The following CAST variants were observed in gnomAD, a reference collection of about 807,000 sequenced individuals.
CAST encodes MIR583 host.
CAST carries 76 observed loss-of-function variants against 119.6 expected under a neutral mutation model. The observed-to-expected ratio is 0.64, with a 90% CI of 0.53 to 0.77. The LOEUF is 0.77. CAST is among the 30% of genes least tolerant of loss of function. The pLI, the probability that CAST is intolerant of heterozygous loss-of-function variation, is 0.00. For synonymous variants in CAST, 319 were observed against 331.6 expected, an observed-to-expected ratio of 0.96 and a Z score of 0.41; for missense variants, 953 against 946.5, an observed-to-expected ratio of 1.01 and a Z score of -0.09.
At chr5:96,543,651 A>C (rs925327668) in intron 1 of CAST, among the ~76,000 whole-genome samples, 2 of 152,194 alleles carry the variant, frequency 1.3e-5, no homozygotes, top group African/African-American at 4.8e-5. Context: ...TGGTGTATGT[A>C]AAAATTTATT....
chr5:96,504,154 C>T, the CAST span, among the ~76,000 whole-genome samples: 1 of 152,186 alleles, frequency 6.6e-6, no homozygotes, highest in Admixed American at 6.5e-5. Context: ...GTCCTCTCAG[C>T]AGGCCAGCTG....
rs990065967 is a variant in CAST at position 96,635,344 on chromosome 5, C to T, written c.61-40195C>T. Among the ~76,000 whole-genome samples the T allele has an allele frequency of 2.0e-5, 3 of 152,184 alleles. No homozygotes were observed. In the South Asian group the frequency reaches 6.2e-4, roughly 32 times the overall value. Reference sequence around the variant, plus strand: ...TTTTAAGGGGAGAGGATAAGAAAGCCTAGAAAGAACAAGTGTTGTTATGCA... The same window carrying T: ...TTTTAAGGGGAGAGGATAAGAAAGCTTAGAAAGAACAAGTGTTGTTATGCA... On this transcript the variant is annotated intron_variant, in intron 1 of 11. Transcript: ENST00000505143.
At chr5:96,565,144 A>G (rs1446912881) in intron 1 of CAST, among the ~76,000 whole-genome samples, 3 of 150,436 alleles carry the variant, frequency 2.0e-5, no homozygotes, top group African/African-American at 7.4e-5. Context: ...AGTGTAATGG[A>G]AAATTTAGAA....
At chr5:96,677,338 A>G (rs1750835467) in intron 2 of CAST, among the ~76,000 whole-genome samples, 1 of 152,250 alleles carries the variant, frequency 6.6e-6, no homozygotes, top group Non-Finnish European at 1.5e-5. Context: ...CTGGCCAATT[A>G]TAACTGGGAA....
the CAST span, among the ~76,000 whole-genome samples, chr5:96,360,400 G>A: frequency 6.6e-6 from 1 of 152,040 alleles, no homozygotes; most frequent in Non-Finnish European, 1.5e-5. Context: ...TGATCCCTCA[G>A]AGAAGAAGCA....
At chr5:96,435,079 G>A in the CAST span, among the ~76,000 whole-genome samples, 1 of 152,184 alleles carries the variant, frequency 6.6e-6, no homozygotes, top group African/African-American at 2.4e-5. Context: ...AAGCTCTCAA[G>A]GGTGTTTCAT....
chr5:96,095,246 G>T, the CAST span, among the ~76,000 whole-genome samples: 1 of 151,998 alleles, frequency 6.6e-6, no homozygotes, highest in Admixed American at 6.6e-5. Flanking sequence ...CCCCAATTAA[G>T]GTTTCTTGAT....
chr5:96,503,099 C>T, the CAST span, among the ~76,000 whole-genome samples: 19 of 152,162 alleles, frequency 1.2e-4, no homozygotes, highest in Admixed American at 1.2e-3. Flanking sequence ...AGGCCTGCTC[C>T]TTGTCTTCAG....
In CAST at chr5:96,740,774, A is replaced by G. The variant is rs759504400; in HGVS notation, c.909A>G (p.Ala303=). The G allele has an allele frequency of 1.1e-5, 18 of 1,597,184 alleles. No individual in the cohort carries two copies. In the South Asian group the frequency reaches 1.9e-4, roughly 17 times the overall value. ...AGGAAGGGATCACAGGGCCTCCTGCAGACTCTTCGGTGAGTTTACATACAT... is the reference window on the plus strand; with the variant it reads ...AGGAAGGGATCACAGGGCCTCCTGCGGACTCTTCGGTGAGTTTACATACAT... ...AKKEGITGPP[A]DSSKPIGPDD... The change falls in exon 13 of 32, where the codon GCA becomes GCG. Residue 303 remains alanine, a synonymous_variant. Coordinates refer to ENST00000675179, the MANE Select transcript of CAST (RefSeq NM_001750.7).
chr5:96,557,148 C>G (rs1459633304), intron 1 of CAST, among the ~76,000 whole-genome samples: 1 of 151,972 alleles, frequency 6.6e-6, no homozygotes, highest in African/African-American at 2.4e-5. Context: ...ACTTTACAGA[C>G]AAGCAAATAC....
At chr5:96,668,585 A>T (rs1019548097) in intron 1 of CAST, among the ~76,000 whole-genome samples, 6 of 152,196 alleles carry the variant, frequency 3.9e-5, no homozygotes, top group African/African-American at 1.2e-4. Context: ...CACTAATGTC[A>T]ACTCTTTTCA....
At chr5:96,297,345 C>T in the CAST span, among the ~76,000 whole-genome samples, 1 of 152,164 alleles carries the variant, frequency 6.6e-6, no homozygotes, top group African/African-American at 2.4e-5. Context: ...AGGAAGCAAC[C>T]TAATAGACAA....
intron 1 of CAST, among the ~76,000 whole-genome samples, chr5:96,646,881 T>A (rs1005298319): frequency 3.3e-5 from 5 of 152,232 alleles, no homozygotes; most frequent in African/African-American, 4.8e-5. Context: ...TGAAGTAACT[T>A]GTACTTCTAG....
intron 24 of CAST, among the ~76,000 whole-genome samples, chr5:96,759,659 A>G (rs1327119278): frequency 6.6e-6 from 1 of 152,058 alleles, no homozygotes; most frequent in African/African-American, 2.4e-5. Flanking sequence ...TTCTTTTGAA[A>G]TAACAAATAC....
chr5:96,348,171 G>A, the CAST span, among the ~76,000 whole-genome samples: 2 of 152,124 alleles, frequency 1.3e-5, no homozygotes, highest in South Asian at 2.1e-4. Flanking sequence ...CAGTGGCATG[G>A]TGGGCCCAGG....
chr5:96,366,299 A>T, the CAST span, among the ~76,000 whole-genome samples: 2 of 152,136 alleles, frequency 1.3e-5, no homozygotes, highest in African/African-American at 2.4e-5. Context: ...TCTGACGATT[A>T]TATGTCTTGG....
At chr5:96,451,148 T>A in the CAST span, among the ~76,000 whole-genome samples, 2 of 152,184 alleles carry the variant, frequency 1.3e-5, no homozygotes, top group African/African-American at 2.4e-5. Context: ...ATACGAATTC[T>A]ACGTAATCTT....
At chr5:96,075,165 G>A in the CAST span, among the ~76,000 whole-genome samples, 3 of 152,042 alleles carry the variant, frequency 2.0e-5, no homozygotes, top group Admixed American at 6.6e-5. Flanking sequence ...ATATATGTTC[G>A]TCTTTTATTT....
intron 1 of CAST, among the ~76,000 whole-genome samples, chr5:96,640,917 G>A (rs1479784594): frequency 6.6e-6 from 1 of 152,174 alleles, no homozygotes; most frequent in Non-Finnish European, 1.5e-5. Flanking sequence ...CGTTATTCCT[G>A]AGGGGGATCC....
Sources: allele counts gnomAD v4.1 joint callset (sites outside exome capture counted in the v4.1 genomes callset), GRCh38; gene constraint gnomAD v4.1.1; transcripts MANE v1.5; gene names NCBI Gene and HGNC (gene_info 2026-07-23, HGNC 2026-07-21).